The following KCNA6 variants were observed in gnomAD, a reference collection of about 807,000 sequenced individuals.
KCNA6 encodes human brain potassium channel-2.
In KCNA6, 17 loss-of-function variants were observed where a neutral mutation model predicts 29.5. That is an observed-to-expected ratio of 0.58 (90% CI 0.39 to 0.86). The LOEUF is 0.86. KCNA6 is among the 40% of genes least tolerant of loss of function. The pLI is 0.00. For synonymous variants in KCNA6, 296 were observed against 304.7 expected (o/e 0.97, Z 0.30); for missense variants, 450 against 703.4 (o/e 0.64, Z 4.07).
chr12:4,835,213 C>T, the KCNA6 span, among the ~76,000 whole-genome samples: 1 of 133,200 alleles, frequency 7.5e-6, no homozygotes, highest in East Asian at 2.3e-4. Context: ...CTGCTCACTG[C>T]AAGCTCTGCC....
the KCNA6 span, among the ~76,000 whole-genome samples, chr12:4,835,779 G>A: frequency 6.6e-6 from 1 of 152,138 alleles, no homozygotes; most frequent in Admixed American, 6.6e-5. Flanking sequence ...AAGCCAATAT[G>A]TGTACCCCGA....
chr12:4,829,731 G>T, the KCNA6 span, among the ~76,000 whole-genome samples: 1 of 151,652 alleles, frequency 6.6e-6, no homozygotes, highest in Non-Finnish European at 1.5e-5. Flanking sequence ...AGAGGTTCTT[G>T]TGTGCAGCCA....
At chr12:4,835,939 T>G in the KCNA6 span, among the ~76,000 whole-genome samples, 1 of 148,568 alleles carries the variant, frequency 6.7e-6, no homozygotes, top group Non-Finnish European at 1.5e-5. Context: ...TCGCTGTTTT[T>G]TTTTTTTTTT....
Position 4,810,797 on chromosome 12 carries a change from T to A in KCNA6, c.756T>A (p.Ser252Arg). 1 of 1,591,908 alleles carries A rather than the reference T, an allele frequency of 6.3e-7. No homozygotes were observed. The highest frequency in any genetic ancestry group is 2.2e-5 in the East Asian group (1 of 44,802). Residue 252 changes from serine (S) to arginine (R), a missense_variant, in exon 1 of 1, where the codon AGT (serine) becomes AGA (arginine). Physicochemically the swap from Ser to Arg is moderately radical, Grantham distance 110. This residue lies in a region of KCNA6 where 74 missense variants were observed against 71.5 expected (regional missense o/e 1.03). Transcript: ENST00000280684. The surrounding 1 kb of genome is among the most constrained non-coding windows in gnomAD (Gnocchi z 7.5). ...GGACCGGGGGCTCCTCCTCACTCAG[T>A]ACTCTTGGGGGCTCCTTCTTTACAG...
At chr12:4,850,265 C>T in the KCNA6 span, among the ~76,000 whole-genome samples, 786 of 150,626 alleles carry the variant, frequency 5.2e-3, 1 homozygote, top group Non-Finnish European at 7.7e-3. This position sits in a 1 kb window ranked among gnomAD's most constrained non-coding sequence, Gnocchi z 5.4. Context: ...GAGAGAGGAA[C>T]GCGCCTGACG....
At chr12:4,809,981 C>A in exon 1 of KCNA6, 1 of 1,484,828 alleles carries the variant, frequency 6.7e-7, no homozygotes, top group Non-Finnish European at 8.9e-7. Flanking sequence ...GCGGGTGCCG[C>A]GCTCCAGAGA....
the KCNA6 span, among the ~76,000 whole-genome samples, chr12:4,849,684 C>G: frequency 6.6e-6 from 1 of 152,034 alleles, no homozygotes; most frequent in Non-Finnish European, 1.5e-5. Context: ...ACAAGTTACT[C>G]CATGTTATGG....
the KCNA6 span, among the ~76,000 whole-genome samples, chr12:4,843,150 G>A: frequency 6.6e-6 from 1 of 151,590 alleles, no homozygotes; most frequent in Non-Finnish European, 1.5e-5. Context: ...TTGGGTGGAG[G>A]GCAAAACAGT....
At chr12:4,845,957 T>C in the KCNA6 span, among the ~76,000 whole-genome samples, 1 of 149,390 alleles carries the variant, frequency 6.7e-6, no homozygotes, top group East Asian at 1.9e-4. Flanking sequence ...CTCACATACC[T>C]GGACCAGACA....
the KCNA6 span, among the ~76,000 whole-genome samples, chr12:4,820,981 C>G: frequency 6.6e-6 from 1 of 152,166 alleles, no homozygotes; most frequent in East Asian, 1.9e-4. Flanking sequence ...TCTGAGTCTT[C>G]TGAATTTTAT....
At chr12:4,822,022 AG>A in the KCNA6 span, among the ~76,000 whole-genome samples, 5 of 152,094 alleles carry the variant, frequency 3.3e-5, no homozygotes, top group Non-Finnish European at 7.4e-5. Context: ...TTTAGGAGAG[AG>A]GGGGTTTCAC....
the KCNA6 span, among the ~76,000 whole-genome samples, chr12:4,835,575 C>T: frequency 1.3e-5 from 2 of 152,074 alleles, no homozygotes; most frequent in Non-Finnish European, 2.9e-5. Flanking sequence ...AGGGCTATTT[C>T]ATCTAACTAT....
Position 4,811,756 on chromosome 12 carries a change from T to C in KCNA6, c.*125T>C. ...GACTCTCTCCCCTACACCCACTACC[T>C]GGCATCCAGGACCAAATACCTGGAC... On this transcript the variant is annotated 3_prime_UTR_variant, in exon 1 of 1. Transcript: ENST00000280684. This position sits in a 1 kb window ranked among gnomAD's most constrained non-coding sequence, Gnocchi z 7.1. 1 of 1,140,670 alleles carries C rather than the reference T, an allele frequency of 8.8e-7. No individual in the cohort carries two copies. The highest frequency in any genetic ancestry group is 1.3e-6 in the Non-Finnish European group (1 of 796,926). 70.7% of individuals were successfully genotyped at this position (1,140,670 alleles called of 1,614,324 possible).
Position 4,811,460 on chromosome 12 carries a change from G to T in KCNA6, c.1419G>T (p.Glu473Asp), listed in dbSNP as rs559236803. Residue 473 changes from glutamate (E) to aspartate (D), a missense_variant, in exon 1 of 1, where the codon GAG becomes GAT. Physicochemically the swap from Glu to Asp is conservative, Grantham distance 45. Transcript: ENST00000280684. This position sits in a 1 kb window ranked among gnomAD's most constrained non-coding sequence, Gnocchi z 7.1. ...ACCACCGGGAGACGGAGCAGGAGGA[G>T]CAAGGCCAGTATACCCACGTCACTT... 1.9e-6 allele frequency: 3 copies of T among 1,614,224 alleles called. No homozygotes were observed. The highest frequency in any genetic ancestry group is 2.5e-6 in the Non-Finnish European group (3 of 1,180,046).
chr12:4,814,664 C>T (rs191635410), downstream of KCNA6: 539 of 167,256 alleles, frequency 3.2e-3, 3 homozygotes, highest in Non-Finnish European at 6.3e-3. This position sits in a 1 kb window ranked among gnomAD's most constrained non-coding sequence, Gnocchi z 4.6. Flanking sequence ...CATCACTACA[C>T]CTGACTCAAG....
At chr12:4,832,537 C>G in the KCNA6 span, among the ~76,000 whole-genome samples, 1 of 152,134 alleles carries the variant, frequency 6.6e-6, no homozygotes, top group Non-Finnish European at 1.5e-5. Context: ...TACCTCTGGC[C>G]CCTCTGTTCA....
the KCNA6 span, among the ~76,000 whole-genome samples, chr12:4,829,039 A>G: frequency 6.6e-6 from 1 of 152,168 alleles, no homozygotes; most frequent in Non-Finnish European, 1.5e-5. Context: ...TGTTTGTATA[A>G]TTTTATGAAT....
the KCNA6 span, among the ~76,000 whole-genome samples, chr12:4,829,119 T>C: frequency 6.6e-6 from 1 of 151,444 alleles, no homozygotes; most frequent in African/African-American, 2.4e-5. Context: ...GCACTCATAA[T>C]TGATGCTGTT....
chr12:4,831,555 G>A, the KCNA6 span, among the ~76,000 whole-genome samples: 1 of 152,134 alleles, frequency 6.6e-6, no homozygotes, highest in Non-Finnish European at 1.5e-5. Flanking sequence ...GGAAGGGGTC[G>A]GATCCATCCT....
Sources: gnomAD v4.1 joint callset for allele counts (sites outside exome capture counted in the v4.1 genomes callset) on GRCh38, gnomAD v4.1.1 for gene constraint, gnomAD v4.1.1 regional missense constraint, Gnocchi (gnomAD v3.1) non-coding constraint, MANE v1.5 for transcripts, NCBI Gene and HGNC (gene_info 2026-07-23, HGNC 2026-07-21) for gene names.